The following CRK variants were observed in gnomAD, a reference collection of about 807,000 sequenced individuals.
CRK encodes adapter molecule crk.
CRK carries 4 observed loss-of-function variants against 29.8 expected under a neutral mutation model. The observed-to-expected ratio is 0.13, with a 90% CI of 0.07 to 0.31. The LOEUF (loss-of-function observed/expected upper bound fraction) is 0.31, where lower values mean the gene tolerates loss of function less well. Among genes scored for constraint, CRK ranks in the 10% least tolerant of loss-of-function variants. CRK has a pLI of 1.00. For missense variants in CRK, 274 were observed against 396.5 expected, an observed-to-expected ratio of 0.69 and a Z score of 2.62; for synonymous variants, 153 against 164.9, an observed-to-expected ratio of 0.93 and a Z score of 0.55.
At chr17:1,451,375 C>T (rs1455285052) in intron 1 of CRK, among the ~76,000 whole-genome samples, 4 of 151,562 alleles carry the variant, frequency 2.6e-5, no homozygotes, top group African/African-American at 9.7e-5. Context: ...GGATTACAGG[C>T]GTCCGCCACC....
chr17:1,429,982 G>C lies in CRK; in HGVS notation c.778-6332C>G, dbSNP rs60182147. Among the ~76,000 whole-genome samples the C allele has an allele frequency of 3.6e-4, 54 of 150,916 alleles. No homozygotes were observed. The East Asian group carries it at 7.4e-3, about 21-fold the overall frequency. On this transcript the variant is annotated intron_variant, in intron 2 of 2. Transcript: ENST00000300574. The stretch of plus-strand genomic sequence containing the variant: ...CGAATCTTTTCTTTACAGATGATTA[G>C]GTTTTTGGCAGACAGGTTCAAATAT...
intron 1 of CRK, among the ~76,000 whole-genome samples, chr17:1,440,743 C>T (rs1024526540): frequency 6.6e-6 from 1 of 151,660 alleles, no homozygotes; most frequent in Non-Finnish European, 1.5e-5. Flanking sequence ...AACAAACAAA[C>T]AAAAAAACCA....
chr17:1,448,801 T>C (rs931874732), intron 1 of CRK, among the ~76,000 whole-genome samples: 1 of 151,904 alleles, frequency 6.6e-6, no homozygotes, highest in African/African-American at 2.4e-5. Context: ...AGTTCTGTGG[T>C]CAGGCAGGTG....
At chr17:1,440,425 C>A (rs953363798) in intron 1 of CRK, among the ~76,000 whole-genome samples, 2 of 150,650 alleles carry the variant, frequency 1.3e-5, no homozygotes, top group Non-Finnish European at 3.0e-5. Flanking sequence ...ATCGTGTCAA[C>A]GCACTCCAGC....
At chr17:1,429,650 A>T (rs991086958) in intron 2 of CRK, among the ~76,000 whole-genome samples, 5 of 151,572 alleles carry the variant, frequency 3.3e-5, no homozygotes, top group African/African-American at 4.8e-5. Context: ...AAGAGGCCAG[A>T]CGCAGTGGCT....
chr17:1,448,637 A>G (rs1052640230), intron 1 of CRK, among the ~76,000 whole-genome samples: 7 of 120,744 alleles, frequency 5.8e-5, no homozygotes, highest in Admixed American at 1.0e-4. Context: ...AAAAAAAAAA[A>G]AAAAAGAAAA....
intron 2 of CRK, among the ~76,000 whole-genome samples, chr17:1,433,618 A>G (rs963300543): frequency 1.4e-5 from 2 of 142,008 alleles, no homozygotes; most frequent in Admixed American, 7.8e-5. Flanking sequence ...TCCCGGGTTC[A>G]AGTGATTCTC....
chr17:1,448,574 GAATA>G, intron 1 of CRK, among the ~76,000 whole-genome samples: 1 of 120,108 alleles, frequency 8.3e-6, no homozygotes, highest in Admixed American at 1.2e-4. Flanking sequence ...AGTGAGCCGA[GAATA>G]TGCCATTGCA....
intron 1 of CRK, among the ~76,000 whole-genome samples, chr17:1,438,700 A>G (rs1042457400): frequency 3.3e-5 from 5 of 152,174 alleles, no homozygotes; most frequent in African/African-American, 1.2e-4. Context: ...AAACGCTTAA[A>G]ATTCCTAAGA....
At chr17:1,455,628 C>G (rs755709858) in intron 1 of CRK, among the ~76,000 whole-genome samples, 1 of 151,764 alleles carries the variant, frequency 6.6e-6, no homozygotes, top group Non-Finnish European at 1.5e-5. Context: ...ACCCTGGGGC[C>G]GAAGCAGTTC....
rs2073743469 is a variant in CRK, at chr17:1,423,101, G to C, written c.*412C>G. The C allele has an allele frequency of 2.4e-6, 1 of 421,456 alleles. No homozygotes were observed. Among genetic ancestry groups the C allele is most frequent in the Non-Finnish European group, 4.2e-6 (1 of 240,094 alleles). The allele number at this position is 421,456 out of a possible 1,614,324, so 26.1% of individuals were successfully genotyped here. ...ATGATTACTTCACGGGGGTGGAACG[G>C]AACAGTCTGTCGCCATTTGATAGTA... On this transcript the variant is annotated 3_prime_UTR_variant, in exon 3 of 3. Transcript: ENST00000300574.
At chr17:1,437,561 T>G (rs912595313) in intron 1 of CRK, among the ~76,000 whole-genome samples, 2 of 152,094 alleles carry the variant, frequency 1.3e-5, no homozygotes. Flanking sequence ...CGTGCTCTCA[T>G]ACTTGATCAA....
intron 1 of CRK, among the ~76,000 whole-genome samples, chr17:1,449,260 T>G (rs150271228): frequency 6.6e-6 from 1 of 152,140 alleles, no homozygotes; most frequent in South Asian, 2.1e-4. Context: ...CACTTACGGA[T>G]GCACTCCACC....
rs998594598 is a variant in CRK, at chr17:1,421,398, C to T, written c.*2115G>A. 6.6e-6 allele frequency: 1 copy of T among 152,172 alleles called. No homozygotes were observed. The highest frequency in any genetic ancestry group is 1.5e-5 in the Non-Finnish European group (1 of 68,026). The allele number at this position is 152,172 out of a possible 1,614,324, so 9.4% of individuals were successfully genotyped here. ...AGATTTAATGTGTGTGTGGACTTTA[C>T]AGTATCTACGTTCTAACTGAAAATT... is the stretch of plus-strand genomic sequence containing the variant. On this transcript the variant is annotated 3_prime_UTR_variant, in exon 3 of 3. Coordinates refer to ENST00000300574, the MANE Select transcript of CRK (RefSeq NM_016823.4).
At chr17:1,423,928 A>T (rs1438183067) in intron 2 of CRK, among the ~76,000 whole-genome samples, 1 of 152,218 alleles carries the variant, frequency 6.6e-6, no homozygotes, top group Non-Finnish European at 1.5e-5. Context: ...GGAAAGTGAT[A>T]ATTATTGGAA....
chr17:1,433,690 TG>T (rs2073864695), intron 2 of CRK, among the ~76,000 whole-genome samples: 2 of 151,850 alleles, frequency 1.3e-5, no homozygotes, highest in South Asian at 4.2e-4. Flanking sequence ...GGCTAATTTT[TG>T]TATTTTTAGT....
In CRK at chr17:1,453,223, G is replaced by A. The variant is rs578224776; in HGVS notation, c.241+2654C>T. ...TCCATAAACTTTGGCAATCTTCACC[G>A]TCTTTCCTCAGCCAAGGAACTGAGT... On this transcript the variant is annotated intron_variant, in intron 1 of 2. Coordinates refer to ENST00000300574, the MANE Select transcript of CRK (RefSeq NM_016823.4). 5.6e-4 allele frequency among the ~76,000 whole-genome samples: 86 copies of A among 152,296 alleles called. 1 individual carries two copies. Among genetic ancestry groups the A allele is most frequent in the Non-Finnish European group, 1.1e-3 (77 of 68,026 alleles).
chr17:1,432,349 CGTG>C (rs1190370094), intron 2 of CRK, among the ~76,000 whole-genome samples: 1 of 151,522 alleles, frequency 6.6e-6, no homozygotes, highest in Non-Finnish European at 1.5e-5. Flanking sequence ...ATTAGCCAGG[CGTG>C]GTGGTGGATG....
At chr17:1,455,741 C>T in intron 1 of CRK, 136 bp downstream of exon 1, 1 of 1,258,280 alleles carries the variant, frequency 7.9e-7, no homozygotes, top group Non-Finnish European at 1.0e-6. Flanking sequence ...GCCCGAGCAG[C>T]CGGCGGGCCC....
Sources: gnomAD v4.1 joint callset for allele counts (sites outside exome capture counted in the v4.1 genomes callset) on GRCh38, gnomAD v4.1.1 for gene constraint, MANE v1.5 for transcripts, NCBI Gene and HGNC (gene_info 2026-07-23, HGNC 2026-07-21) for gene names.